Variants in KIAA1328 observed in about 807,000 individuals in gnomAD.
KIAA1328 encodes the protein protein hinderin.
A neutral mutation model predicts 68.1 loss-of-function variants in KIAA1328; 52 were observed. The observed-to-expected ratio is 0.76, with a 90% CI of 0.61 to 0.96. The LOEUF is 0.96. Among genes scored for constraint, KIAA1328 ranks in the 40% least tolerant of loss-of-function variants. The pLI is 0.00. For missense variants in KIAA1328, 641 were observed against 677.6 expected, an observed-to-expected ratio of 0.95 and a Z score of 0.60; for synonymous variants, 232 against 239.4, an observed-to-expected ratio of 0.97 and a Z score of 0.28.
intron 7 of KIAA1328, among the ~76,000 whole-genome samples, chr18:37,130,767 G>GA (rs1390704583): frequency 1.3e-5 from 2 of 152,036 alleles, no homozygotes; most frequent in South Asian, 4.1e-4. Context: ...CCATGGATAA[G>GA]AAAAAAAGAG....
intron 7 of KIAA1328, among the ~76,000 whole-genome samples, chr18:37,080,932 ATC>A (rs2056928279): frequency 6.6e-6 from 1 of 151,866 alleles, no homozygotes; most frequent in Non-Finnish European, 1.5e-5. Flanking sequence ...AAAAATCCAA[ATC>A]CAAGTGAGAT....
intron 5 of KIAA1328, among the ~76,000 whole-genome samples, chr18:36,936,109 A>G (rs2050489497): frequency 6.6e-6 from 1 of 151,982 alleles, no homozygotes; most frequent in Non-Finnish European, 1.5e-5. Context: ...ATAAATTTGT[A>G]TTGCTAGGGT....
intron 6 of KIAA1328, among the ~76,000 whole-genome samples, chr18:37,064,476 A>G (rs1297621138): frequency 6.6e-6 from 1 of 151,656 alleles, no homozygotes; most frequent in African/African-American, 2.4e-5. Context: ...TGGAGTAGCT[A>G]GCTATTTCAA....
chr18:36,889,401 T>C (rs1050646292), intron 5 of KIAA1328, among the ~76,000 whole-genome samples: 4 of 152,232 alleles, frequency 2.6e-5, no homozygotes, highest in Non-Finnish European at 5.9e-5. Flanking sequence ...TTTAAGCTAA[T>C]TGTATTTCTA....
chr18:37,080,549 G>A (rs1205456544), intron 7 of KIAA1328, among the ~76,000 whole-genome samples: 3 of 152,000 alleles, frequency 2.0e-5, no homozygotes, highest in African/African-American at 7.2e-5. Flanking sequence ...GGCCGAGGCG[G>A]GTGGATCACG....
At chr18:37,144,868 AT>A (rs2058859867) in intron 7 of KIAA1328, among the ~76,000 whole-genome samples, 1 of 152,114 alleles carries the variant, frequency 6.6e-6, no homozygotes, top group East Asian at 1.9e-4. Flanking sequence ...AATATGTTAT[AT>A]TTTTTATCAT....
chr18:37,143,100 A>G (rs566738664), intron 7 of KIAA1328, among the ~76,000 whole-genome samples: 3 of 152,172 alleles, frequency 2.0e-5, no homozygotes, highest in Non-Finnish European at 4.4e-5. Context: ...GATTACAGGC[A>G]TGTGCCACCA....
At chr18:37,138,036 A>G (rs556806435) in intron 7 of KIAA1328, among the ~76,000 whole-genome samples, 49 of 152,282 alleles carry the variant, frequency 3.2e-4, no homozygotes, top group African/African-American at 1.2e-3. Context: ...GCTAGTCTAT[A>G]ATAACTTATT....
intron 5 of KIAA1328, among the ~76,000 whole-genome samples, chr18:36,953,583 CTG>C (rs1358149268): frequency 6.6e-6 from 1 of 151,922 alleles, no homozygotes; most frequent in East Asian, 1.9e-4. Flanking sequence ...CCACTTGTCT[CTG>C]ATACCTGGGA....
At chr18:36,877,663 CTTTTTTTTTTTT>C (rs908999170) in intron 4 of KIAA1328, among the ~76,000 whole-genome samples, 6 of 116,028 alleles carry the variant, frequency 5.2e-5, no homozygotes, top group Admixed American at 1.8e-4. Context: ...CAGTCTGTGT[CTTTTTTTTTTTT>C]TTTTTTTTTG....
chr18:37,065,017 G>A (rs1460806532), intron 6 of KIAA1328, among the ~76,000 whole-genome samples: 1 of 152,178 alleles, frequency 6.6e-6, no homozygotes, highest in Non-Finnish European at 1.5e-5. Flanking sequence ...AACTAATACA[G>A]TAGTTGTAAT....
chr18:37,027,746 A>G (rs1007198795), intron 6 of KIAA1328, among the ~76,000 whole-genome samples: 3 of 152,146 alleles, frequency 2.0e-5, no homozygotes, highest in Admixed American at 6.6e-5. Flanking sequence ...TACATGTTAG[A>G]CCTAAAACCA....
At chr18:36,843,676 C>T (rs1259889560) in intron 3 of KIAA1328, among the ~76,000 whole-genome samples, 2 of 152,050 alleles carry the variant, frequency 1.3e-5, no homozygotes, top group African/African-American at 4.8e-5. Context: ...CGTTGTTGTG[C>T]AAATAAAATG....
intron 9 of KIAA1328, among the ~76,000 whole-genome samples, chr18:37,193,893 C>G (rs1483732247): frequency 6.6e-6 from 1 of 152,156 alleles, no homozygotes; most frequent in African/African-American, 2.4e-5. Context: ...TCCCGCATGT[C>G]CTTTCAGGGA....
downstream of KIAA1328, chr18:37,231,928 A>C (rs2060665521): frequency 6.6e-6 from 1 of 152,206 alleles, no homozygotes; most frequent in African/African-American, 2.4e-5. Context: ...ATTGCTGCCC[A>C]TTGGGATGGG....
chr18:37,162,563 G>T (rs1476815932), intron 8 of KIAA1328, among the ~76,000 whole-genome samples: 2 of 152,122 alleles, frequency 1.3e-5, no homozygotes, highest in African/African-American at 4.8e-5. Context: ...CAACCAAATG[G>T]GAGATATAAA....
intron 1 of KIAA1328, among the ~76,000 whole-genome samples, chr18:36,831,150 A>C (rs2046477378): frequency 6.6e-6 from 1 of 152,242 alleles, no homozygotes. Flanking sequence ...AAAAGACCAA[A>C]AAGTAAGTAC....
chr18:36,868,366 T>G (rs986531472), intron 4 of KIAA1328, among the ~76,000 whole-genome samples: 1 of 152,228 alleles, frequency 6.6e-6, no homozygotes, highest in African/African-American at 2.4e-5. Flanking sequence ...ATTGCAAAAT[T>G]AAGTGACCTC....
intron 4 of KIAA1328, among the ~76,000 whole-genome samples, chr18:36,849,145 C>T (rs1272692795): frequency 6.6e-6 from 1 of 151,868 alleles, no homozygotes; most frequent in Non-Finnish European, 1.5e-5. Flanking sequence ...CTTCTTTCAT[C>T]TTCTGTGAAA....
Sources: gnomAD v4.1 joint callset for allele counts (sites outside exome capture counted in the v4.1 genomes callset) on GRCh38, gnomAD v4.1.1 for gene constraint, MANE v1.5 for transcripts, NCBI Gene and HGNC (gene_info 2026-07-23, HGNC 2026-07-21) for gene names.